ABCD3: variants seen among roughly 807,000 people sequenced by gnomAD.
The protein encoded by ABCD3 is ATP-binding cassette sub-family D member 3.
In ABCD3, 41 loss-of-function variants were observed where a neutral mutation model predicts 105.5. The ratio of observed to expected loss-of-function variants is 0.39; its 90% confidence interval spans 0.30 to 0.50. The LOEUF is 0.50. ABCD3 is among the 20% of genes least tolerant of loss of function. The pLI is 0.84. For synonymous variants in ABCD3, 258 were observed against 269.0 expected (o/e 0.96, Z 0.40); for missense variants, 622 against 806.3 (o/e 0.77, Z 2.77).
At chr1:94,456,623 C>T in intron 1 of ABCD3, among the ~76,000 whole-genome samples, 1 of 150,682 alleles carries the variant, frequency 6.6e-6, no homozygotes, top group Non-Finnish European at 1.5e-5. Context: ...ATTTATATAC[C>T]ACATATTCTT....
intron 4 of ABCD3, among the ~76,000 whole-genome samples, chr1:94,468,623 A>G (rs1334081793): frequency 6.6e-6 from 1 of 152,184 alleles, no homozygotes; most frequent in Non-Finnish European, 1.5e-5. Flanking sequence ...TCATAATACC[A>G]ATTAGAATGT....
intron 21 of ABCD3, among the ~76,000 whole-genome samples, chr1:94,510,814 C>G (rs1426530543): frequency 2.6e-5 from 4 of 152,050 alleles, no homozygotes; most frequent in African/African-American, 9.7e-5. Flanking sequence ...GATCACAACC[C>G]CTGCCTTTTT....
chr1:94,476,690 T>C (rs1648759929), intron 7 of ABCD3, among the ~76,000 whole-genome samples: 1 of 152,210 alleles, frequency 6.6e-6, no homozygotes, highest in Non-Finnish European at 1.5e-5. Flanking sequence ...CTTAGAGATA[T>C]ATATCCACAA....
At chr1:94,398,701 C>T in the ABCD3 span, among the ~76,000 whole-genome samples, 10 of 152,114 alleles carry the variant, frequency 6.6e-5, no homozygotes, top group African/African-American at 1.7e-4. Flanking sequence ...ATCATGAGGT[C>T]GGGAGTTAGA....
chr1:94,497,769 A>G (rs1487958662), intron 16 of ABCD3, among the ~76,000 whole-genome samples: 1 of 152,226 alleles, frequency 6.6e-6, no homozygotes, highest in Non-Finnish European at 1.5e-5. Flanking sequence ...AGCAAAACAA[A>G]ATGCAGATGA....
chr1:94,397,262 A>G, the ABCD3 span, among the ~76,000 whole-genome samples: 115 of 152,332 alleles, frequency 7.5e-4, no homozygotes, highest in African/African-American at 2.7e-3. Context: ...CAACACTGGT[A>G]CAGCACTGCT....
intron 1 of ABCD3, among the ~76,000 whole-genome samples, chr1:94,438,426 T>C (rs1660000002): frequency 6.6e-6 from 1 of 152,058 alleles, no homozygotes; most frequent in Non-Finnish European, 1.5e-5. Flanking sequence ...TTGGTGAAGA[T>C]GATGTGAACA....
At chr1:94,476,963 A>AT (rs3831288) in intron 7 of ABCD3, among the ~76,000 whole-genome samples, 39,063 of 151,700 alleles carry the variant, frequency 0.26, 5,637 homozygotes, top group Admixed American at 0.34. Context: ...GGGTGTATCT[A>AT]TACAACTTTC....
At chr1:94,412,775 G>A in the ABCD3 span, among the ~76,000 whole-genome samples, 1 of 152,142 alleles carries the variant, frequency 6.6e-6, no homozygotes, top group African/African-American at 2.4e-5. Context: ...ACACTTTGGG[G>A]TCTTTGCCAA....
At chr1:94,388,589 C>A in the ABCD3 span, among the ~76,000 whole-genome samples, 1 of 152,180 alleles carries the variant, frequency 6.6e-6, no homozygotes, top group Non-Finnish European at 1.5e-5. Flanking sequence ...CCATGTTCAT[C>A]CCTTGACCAA....
At chr1:94,509,116 G>A (rs1386886130) in intron 21 of ABCD3, among the ~76,000 whole-genome samples, 1 of 152,150 alleles carries the variant, frequency 6.6e-6, no homozygotes, top group Non-Finnish European at 1.5e-5. Context: ...GATATTGGCT[G>A]TGGGTTTGTC....
chr1:94,478,254 T>C lies in ABCD3; in HGVS notation c.628-5T>C. On this transcript the variant is annotated splice_region_variant and splice_polypyrimidine_tract_variant and intron_variant, in intron 7 of 22. Coordinates refer to ENST00000370214, the MANE Select transcript of ABCD3 (RefSeq NM_002858.4). ...ATTCTGTGTATTCTAATATTTATTT[T>C]ACAGCCATTTTTAGACATAGTTTTG... The C allele has an allele frequency of 6.4e-7, 1 of 1,555,602 alleles. No individual in the cohort carries two copies. The highest frequency in any genetic ancestry group is 8.9e-7 in the Non-Finnish European group (1 of 1,129,060).
At chr1:94,446,510 A>G (rs1660351129) in intron 1 of ABCD3, among the ~76,000 whole-genome samples, 2 of 152,262 alleles carry the variant, frequency 1.3e-5, no homozygotes, top group South Asian at 2.1e-4. Flanking sequence ...AAGCAGAGCC[A>G]GGAGAGCGCA....
At chr1:94,386,129 T>G in the ABCD3 span, among the ~76,000 whole-genome samples, 1 of 152,180 alleles carries the variant, frequency 6.6e-6, no homozygotes, top group Non-Finnish European at 1.5e-5. Flanking sequence ...TTCCCACAGC[T>G]GCCAAAGCCA....
At chr1:94,464,480 C>T (rs61772855) in intron 2 of ABCD3, among the ~76,000 whole-genome samples, 2,828 of 152,048 alleles carry the variant, frequency 0.019, 30 homozygotes, top group Non-Finnish European at 0.028. Context: ...TCCTCAAGCA[C>T]GTTGCAGGTG....
intron 9 of ABCD3, 87 bp downstream of exon 9, chr1:94,480,693 C>T (rs1648987883): frequency 8.0e-6 from 11 of 1,368,406 alleles, no homozygotes; most frequent in Non-Finnish European, 9.3e-6. Flanking sequence ...AGTCTAGTGA[C>T]ACTGTTACTG....
intron 16 of ABCD3, among the ~76,000 whole-genome samples, chr1:94,495,987 T>C (rs1649779255): frequency 6.6e-6 from 1 of 152,256 alleles, no homozygotes; most frequent in Admixed American, 6.5e-5. Flanking sequence ...AGTTTATTCA[T>C]CTGAACGACT....
intron 1 of ABCD3, among the ~76,000 whole-genome samples, chr1:94,421,971 A>C (rs2100866482): frequency 6.6e-6 from 1 of 152,278 alleles, no homozygotes; most frequent in East Asian, 1.9e-4. Flanking sequence ...ACTCTAAAAT[A>C]CAAACTTTCT....
chr1:94,488,587 TGATGACTG>T (rs1054081520), intron 13 of ABCD3, among the ~76,000 whole-genome samples: 1 of 152,110 alleles, frequency 6.6e-6, no homozygotes, highest in Non-Finnish European at 1.5e-5. Context: ...TGAAGAAGTT[TGATGACTG>T]AATATCTTTC....
Sources: allele counts gnomAD v4.1 joint callset (sites outside exome capture counted in the v4.1 genomes callset), GRCh38; gene constraint gnomAD v4.1.1; transcripts MANE v1.5; gene names NCBI Gene and HGNC (gene_info 2026-07-23, HGNC 2026-07-21).